The following ZNF721 variants were observed in gnomAD, a reference collection of about 807,000 sequenced individuals.
The protein encoded by ZNF721 is zinc finger protein 721.
ZNF721 carries 2 observed loss-of-function variants against 2.4 expected under a neutral mutation model. The ratio of observed to expected loss-of-function variants is 0.82; its 90% CI spans 0.34 to 2.58. The LOEUF (loss-of-function observed/expected upper bound fraction) is 2.58. Among genes scored for constraint, ZNF721 ranks in the 30% most tolerant of loss-of-function variants. The pLI is 0.11. For synonymous variants in ZNF721, 398 were observed against 381.8 expected, an observed-to-expected ratio of 1.04 and a Z score of -0.50; for missense variants, 1,187 against 1,085.5, an observed-to-expected ratio of 1.09 and a Z score of -1.31.
intron 1 of ZNF721, among the ~76,000 whole-genome samples, chr4:480,823 TG>T (rs781937085): frequency 0.085 from 7,762 of 91,278 alleles, 444 homozygotes; most frequent in African/African-American, 0.16. Flanking sequence ...TCACCTTTTG[TG>T]GGGGGGGGGG....
At chr4:474,016 C>G (rs782204359) in intron 1 of ZNF721, 5 of 1,503,396 alleles carry the variant, frequency 3.3e-6, no homozygotes, top group Middle Eastern at 1.8e-4. Context: ...GAAGTCTTAG[C>G]TACGAATCAT....
At chr4:469,348 A>G (rs1030343733) in intron 2 of ZNF721, among the ~76,000 whole-genome samples, 1 of 152,188 alleles carries the variant, frequency 6.6e-6, no homozygotes, top group Non-Finnish European at 1.5e-5. Context: ...TAAATTTAAC[A>G]AATGAAATAA....
At chr4:456,228 A>T (rs1281648774) in intron 2 of ZNF721, among the ~76,000 whole-genome samples, 2 of 151,914 alleles carry the variant, frequency 1.3e-5, no homozygotes, top group Non-Finnish European at 2.9e-5. Context: ...GCGCCACCAC[A>T]CCTGGCTAAT....
intron 2 of ZNF721, among the ~76,000 whole-genome samples, chr4:462,029 C>T (rs973897244): frequency 6.6e-6 from 1 of 152,152 alleles, no homozygotes; most frequent in Non-Finnish European, 1.5e-5. Flanking sequence ...AGCCCAAAAT[C>T]TCCTTAAGCT....
intron 1 of ZNF721, among the ~76,000 whole-genome samples, chr4:484,309 T>C (rs1186415285): frequency 6.6e-6 from 1 of 152,156 alleles, no homozygotes; most frequent in African/African-American, 2.4e-5. Context: ...CCTGTAATAA[T>C]TGCATTAACT....
chr4:496,346 G>A (rs935382395), intron 1 of ZNF721, among the ~76,000 whole-genome samples: 2 of 151,906 alleles, frequency 1.3e-5, no homozygotes, highest in Admixed American at 1.3e-4. Context: ...CACAGTGTCA[G>A]AGGCTCAAGG....
chr4:464,379 G>A (rs1377928971), intron 2 of ZNF721, among the ~76,000 whole-genome samples: 1 of 147,842 alleles, frequency 6.8e-6, no homozygotes, highest in Non-Finnish European at 1.5e-5. Context: ...TGAGGCAGGA[G>A]AATCGCTTGA....
At chr4:497,257 C>T (rs1177782996) in intron 1 of ZNF721, among the ~76,000 whole-genome samples, 3 of 151,912 alleles carry the variant, frequency 2.0e-5, no homozygotes, top group Admixed American at 6.6e-5. Context: ...TCAGACCCCC[C>T]ACCGAAAAAC....
At chr4:478,109 C>T (rs1225004975) in intron 1 of ZNF721, among the ~76,000 whole-genome samples, 2 of 152,276 alleles carry the variant, frequency 1.3e-5, no homozygotes, top group South Asian at 2.1e-4. Flanking sequence ...CTGGACCAGC[C>T]GACTCCTCTT....
At chr4:492,035 C>T (rs896799119) in intron 1 of ZNF721, among the ~76,000 whole-genome samples, 14 of 151,046 alleles carry the variant, frequency 9.3e-5, no homozygotes, top group Non-Finnish European at 1.6e-4. Context: ...GGCCGGCGGG[C>T]GCCTGTAGTC....
At chr4:472,531 ACT>A in intron 2 of ZNF721, 42 bp downstream of exon 2, 1 of 1,568,928 alleles carries the variant, frequency 6.4e-7, no homozygotes, top group Non-Finnish European at 8.6e-7. Flanking sequence ...AGAAAATAAA[ACT>A]CAGAGGGAGT....
intron 2 of ZNF721, among the ~76,000 whole-genome samples, chr4:448,386 A>G (rs1348052490): frequency 2.0e-5 from 3 of 151,634 alleles, no homozygotes; most frequent in Non-Finnish European, 4.4e-5. Flanking sequence ...CAGTAAGCTG[A>G]GATCCCACCA....
chr4:487,962 C>T (rs1309264915), intron 1 of ZNF721, among the ~76,000 whole-genome samples: 13 of 152,174 alleles, frequency 8.5e-5, no homozygotes, highest in African/African-American at 2.9e-4. Flanking sequence ...TTGGAGTGGC[C>T]GTGGGCCAAG....
chr4:493,760 G>T (rs2108725545), intron 1 of ZNF721, among the ~76,000 whole-genome samples: 1 of 151,408 alleles, frequency 6.6e-6, no homozygotes, highest in South Asian at 2.1e-4. Context: ...CAATATCAGT[G>T]TCTCATTTAT....
chr4:446,658 C>T (rs148479438), intron 2 of ZNF721, among the ~76,000 whole-genome samples: 4,300 of 151,954 alleles, frequency 0.028, 64 homozygotes, highest in Middle Eastern at 0.068. Context: ...GGATTGCAGG[C>T]GTGAGCCACC....
At chr4:479,417 A>G (rs1324416101) in intron 1 of ZNF721, among the ~76,000 whole-genome samples, 1 of 151,946 alleles carries the variant, frequency 6.6e-6, no homozygotes, top group Non-Finnish European at 1.5e-5. Flanking sequence ...CCTTATTCTC[A>G]TGGTTGGGCA....
At chr4:488,009 C>T (rs1576973054) in intron 1 of ZNF721, among the ~76,000 whole-genome samples, 3 of 152,266 alleles carry the variant, frequency 2.0e-5, no homozygotes, top group East Asian at 1.9e-4. Flanking sequence ...GGTACCAATT[C>T]GCCTCAGCCT....
At chr4:471,097 A>C (rs1553867606) in intron 2 of ZNF721, among the ~76,000 whole-genome samples, 1 of 152,090 alleles carries the variant, frequency 6.6e-6, no homozygotes, top group African/African-American at 2.4e-5. Context: ...CCCATTCAAA[A>C]ATGGGCAAAA....
intron 2 of ZNF721, among the ~76,000 whole-genome samples, chr4:469,685 T>C (rs782105032): frequency 8.5e-5 from 13 of 152,092 alleles, no homozygotes; most frequent in Non-Finnish European, 1.5e-4. Flanking sequence ...TATGTAAAGG[T>C]TGTAGTAAGC....
Sources: allele counts gnomAD v4.1 joint callset (sites outside exome capture counted in the v4.1 genomes callset), GRCh38; gene constraint gnomAD v4.1.1; transcripts MANE v1.5; gene names NCBI Gene and HGNC (gene_info 2026-07-23, HGNC 2026-07-21).